The following KIAA0319 variants were observed in gnomAD, a reference collection of about 807,000 sequenced individuals.
KIAA0319 encodes the protein dyslexia-associated protein KIAA0319.
A neutral mutation model predicts 108.4 loss-of-function variants in KIAA0319; 83 were observed. The ratio of observed to expected loss-of-function variants is 0.77; its 90% CI spans 0.64 to 0.92. KIAA0319 has a LOEUF of 0.92. Among genes scored for constraint, KIAA0319 ranks in the 40% least tolerant of loss-of-function variants. The probability of loss-of-function intolerance (pLI) is 0.00; values close to 1 mark genes in which losing one functional copy is unlikely to be tolerated. For synonymous variants in KIAA0319, 484 were observed against 510.4 expected (o/e 0.95, Z 0.70); for missense variants, 1,195 against 1,322.4 (o/e 0.90, Z 1.49).
intron 8 of KIAA0319, among the ~76,000 whole-genome samples, chr6:24,578,471 G>A (rs993809769): frequency 2.0e-5 from 3 of 152,164 alleles, no homozygotes; most frequent in Admixed American, 2.0e-4. Flanking sequence ...TTCCCACTCA[G>A]TTGAATATTT....
At chr6:24,549,457 G>A (rs540863783) in intron 20 of KIAA0319, among the ~76,000 whole-genome samples, 43 of 152,122 alleles carry the variant, frequency 2.8e-4, no homozygotes, top group African/African-American at 9.9e-4. Context: ...CCAGCCTCCA[G>A]AACTGTGGGT....
At chr6:24,633,409 C>CTTGGGAGG (rs1303606373) in intron 1 of KIAA0319, among the ~76,000 whole-genome samples, 4 of 152,058 alleles carry the variant, frequency 2.6e-5, no homozygotes, top group Non-Finnish European at 5.9e-5. Context: ...CCTCATTCAA[C>CTTGGGAGG]TTGGGAGGAC....
intron 19 of KIAA0319, among the ~76,000 whole-genome samples, chr6:24,554,040 G>A (rs776052490): frequency 3.9e-5 from 6 of 152,234 alleles, no homozygotes; most frequent in South Asian, 2.1e-4. Context: ...CAGGTAAAAC[G>A]ACCTGGGGTA....
chr6:24,592,580 C>G (rs1387344569), intron 3 of KIAA0319, among the ~76,000 whole-genome samples: 3 of 152,098 alleles, frequency 2.0e-5, no homozygotes, highest in African/African-American at 7.2e-5. Context: ...CAAATGACTT[C>G]TTATTATGCT....
At chr6:24,621,465 CA>C (rs1197434660) in intron 1 of KIAA0319, among the ~76,000 whole-genome samples, 1 of 152,134 alleles carries the variant, frequency 6.6e-6, no homozygotes, top group Non-Finnish European at 1.5e-5. Flanking sequence ...ACACAGCCCA[CA>C]CAAAAAATAT....
intron 17 of KIAA0319, 86 bp from the exon 18 acceptor site, chr6:24,556,815 G>A: frequency 1.4e-6 from 2 of 1,435,368 alleles, no homozygotes; most frequent in Non-Finnish European, 9.3e-7. Flanking sequence ...AGTAGCATAG[G>A]TCCCAAATAA....
rs149308165 is a variant in KIAA0319 at position 24,573,615 on chromosome 6, T to C, written c.1735-917A>G. ...ATACAATGTGAAAGGTATTGCTACA[T>C]GTACATACGCACACTTACACAGACA... On this transcript the variant is annotated intron_variant, in intron 10 of 20. Transcript: ENST00000378214. Among the ~76,000 whole-genome samples, 2 of 152,326 alleles carry C rather than the reference T, an allele frequency of 1.3e-5. 1 individual carries two copies. Among genetic ancestry groups the C allele is most frequent in the East Asian group, 3.9e-4 (2 of 5,190 alleles).
Position 24,578,032 on chromosome 6 carries a change from T to C in KIAA0319, c.1505+78A>G, listed in dbSNP as rs1765797278. 5.0e-6 allele frequency: 7 copies of C among 1,398,660 alleles called. No homozygotes were observed. The African/African-American group carries it at 1.0e-4, about 20-fold the overall frequency. 86.6% of individuals were successfully genotyped at this position (1,398,660 alleles called of 1,614,324 possible). On this transcript the variant is annotated intron_variant, in intron 9 of 20. Transcript: ENST00000378214. ...CTTTTGATCAAAATAAGAAGTGCAG[T>C]GTTTTATGTGCGTTAATTTAAAGAA...
Position 24,563,386 on chromosome 6 carries a change from TGG to T in KIAA0319, c.2562_2563del (p.Gln855GlufsTer29), listed in dbSNP as rs1184401055. 6.2e-7 allele frequency: 1 copy of T among 1,613,678 alleles called. No homozygotes were observed. Among genetic ancestry groups the T allele is most frequent in the Non-Finnish European group, 8.5e-7 (1 of 1,179,792 alleles). ...GAGATCCGAGTGGGCCCGAATCTTC[TGG>T]ACCTTAATGTCCGAGTCCAGCACGT... On this transcript the variant is annotated frameshift_variant, in exon 16 of 21. Coordinates refer to ENST00000378214, the MANE Select transcript of KIAA0319 (RefSeq NM_014809.4). LOFTEE classifies it high-confidence loss of function.
In KIAA0319 at chr6:24,547,341, T is replaced by A; in HGVS notation, c.3043A>T (p.Ile1015Phe). The A allele has an allele frequency of 6.2e-7, 1 of 1,613,654 alleles. No individual in the cohort carries two copies. The highest frequency in any genetic ancestry group is 8.5e-7 in the Non-Finnish European group (1 of 1,179,632). ...TTGTGCTCTGTGCTTCGGTGCTTGA[T>A]ACCTAGAGAGAAGCACAGAAGCATC... ...ERMELRPKYG[I>F]KHRSTEHNSS... The change falls in exon 21 of 21, where the codon ATC (isoleucine) becomes TTC (phenylalanine). Residue 1015 changes from isoleucine (I) to phenylalanine (F), a missense_variant and splice_region_variant. Physicochemically the swap from Ile to Phe is conservative, Grantham distance 21 (BLOSUM62 0). Transcript: ENST00000378214.
chr6:24,589,943 T>C (rs1768208939), intron 3 of KIAA0319, among the ~76,000 whole-genome samples: 1 of 152,192 alleles, frequency 6.6e-6, no homozygotes, highest in African/African-American at 2.4e-5. Context: ...AAAAGTCTCA[T>C]AATATGATAA....
rs1310070093 is a variant in KIAA0319 at position 24,599,452 on chromosome 6, T to C, written c.55+1597A>G. On this transcript the variant is annotated intron_variant, in intron 2 of 20. Coordinates refer to ENST00000378214, the MANE Select transcript of KIAA0319 (RefSeq NM_014809.4). This position sits in a 1 kb window ranked among gnomAD's most constrained non-coding sequence, Gnocchi z 4.1. The stretch of plus-strand genomic sequence containing the variant: ...ACCCTGCAGTGGGCCATGCAGGACA[T>C]GGCATGGCAGCTGCATGAGTACCAG... 3.6e-6 allele frequency: 2 copies of C among 553,440 alleles called. No individual in the cohort carries two copies. The highest frequency in any genetic ancestry group is 2.0e-5 in the Admixed American group (1 of 48,984). The allele number at this position is 553,440 out of a possible 1,614,324, so 34.3% of individuals were successfully genotyped here.
At chr6:24,551,341 C>A in intron 20 of KIAA0319, 93 bp downstream of exon 20, 1 of 843,264 alleles carries the variant, frequency 1.2e-6, no homozygotes. Flanking sequence ...CTGACTCCAG[C>A]AAATCGTTCT....
chr6:24,550,867 C>T (rs1761383489), intron 20 of KIAA0319, among the ~76,000 whole-genome samples: 1 of 152,204 alleles, frequency 6.6e-6, no homozygotes, highest in African/African-American at 2.4e-5. Flanking sequence ...TCATATCCCT[C>T]ATCCATTAAT....
At position 24,579,877 on chromosome 6, in the gene KIAA0319, T is replaced by A; in HGVS notation, c.1353A>T (p.Ser451=). The A allele has an allele frequency of 6.2e-7, 1 of 1,604,078 alleles. No individual in the cohort carries two copies. The highest frequency in any genetic ancestry group is 8.5e-7 in the Non-Finnish European group (1 of 1,174,728). ...ACACACGGCTGCCATCAATGAGGGC[T>A]GACGTCAAAGGCAAAGTGAGCTCTT... ...QLQELTLPLT[S]ALIDGSQSTD... The change falls in exon 8 of 21, where the codon TCA becomes TCT. Residue 451 remains serine, a synonymous_variant. Coordinates refer to ENST00000378214, the MANE Select transcript of KIAA0319 (RefSeq NM_014809.4).
chr6:24,565,873 A>G (rs1581956965), intron 14 of KIAA0319, among the ~76,000 whole-genome samples: 1 of 152,186 alleles, frequency 6.6e-6, no homozygotes, highest in African/African-American at 2.4e-5. Context: ...TCCGTGATCT[A>G]TTGACTCATC....
chr6:24,637,222 CACTTTTCCT>C (rs1160885625), intron 1 of KIAA0319, among the ~76,000 whole-genome samples: 1 of 152,220 alleles, frequency 6.6e-6, no homozygotes, highest in Non-Finnish European at 1.5e-5. Flanking sequence ...ATGCTCAAGG[CACTTTTCCT>C]ATTGACTTTC....
intron 9 of KIAA0319, 118 bp from the exon 10 acceptor site, chr6:24,576,714 G>T: frequency 1.3e-6 from 1 of 772,068 alleles, no homozygotes; most frequent in Non-Finnish European, 2.2e-6. Context: ...GAGCCCAGGA[G>T]TTCTGAGACC....
At chr6:24,543,259 C>G (rs138391027), downstream of KIAA0319, among the ~76,000 whole-genome samples, 386 of 152,262 alleles carry the variant, frequency 2.5e-3, 3 homozygotes, top group African/African-American at 8.9e-3. Context: ...AAGCTAATCT[C>G]TAGTGATTGC....
Sources: gnomAD v4.1 joint callset for allele counts (sites outside exome capture counted in the v4.1 genomes callset) on GRCh38, gnomAD v4.1.1 for gene constraint, Gnocchi (gnomAD v3.1) non-coding constraint, MANE v1.5 for transcripts, NCBI Gene and HGNC (gene_info 2026-07-23, HGNC 2026-07-21) for gene names.